The following HIBCH variants were observed in gnomAD, a reference collection of about 807,000 sequenced individuals.
HIBCH encodes the protein 3-hydroxyisobutyryl-CoA hydrolase, mitochondrial.
A neutral mutation model predicts 58.2 loss-of-function variants in HIBCH; 50 were observed. The ratio of observed to expected loss-of-function variants is 0.86; its 90% CI spans 0.68 to 1.09. The LOEUF is 1.09. Among genes scored for constraint, HIBCH ranks in the 50% least tolerant of loss-of-function variants. HIBCH has a pLI of 0.00. For missense variants in HIBCH, 450 were observed against 449.7 expected, an observed-to-expected ratio of 1.00 and a Z score of -0.01; for synonymous variants, 151 against 146.9, an observed-to-expected ratio of 1.03 and a Z score of -0.20.
At chr2:190,194,479 C>T (rs2353883) in intron 1 of HIBCH, among the ~76,000 whole-genome samples, 5 of 52,856 alleles carry the variant, frequency 9.5e-5, no homozygotes, top group East Asian at 7.0e-4. Flanking sequence ...CCTGTGTATA[C>T]ACACACACAC....
intron 11 of HIBCH, 36 bp from the exon 12 acceptor site, chr2:190,213,111 T>C (rs372398866): frequency 2.4e-5 from 36 of 1,479,312 alleles, no homozygotes; most frequent in Non-Finnish European, 3.4e-5. Flanking sequence ...GTTAGTCCAA[T>C]AGTTCCTTTA....
chr2:190,261,141 AT>A lies in HIBCH; in HGVS notation c.517+14del. ...GATGCTAAAAGTAATTATAAAAAAA[AT>A]TCTGGTTGTTTACCTATTGCAGTTT... On this transcript the variant is annotated intron_variant, in intron 7 of 13. Transcript: ENST00000359678. The A allele has an allele frequency of 6.3e-7, 1 of 1,593,164 alleles. No homozygotes were observed. Among genetic ancestry groups the A allele is most frequent in the African/African-American group, 1.3e-5 (1 of 74,384 alleles).
At chr2:190,233,760 T>C (rs1686181979) in intron 11 of HIBCH, among the ~76,000 whole-genome samples, 2 of 152,204 alleles carry the variant, frequency 1.3e-5, no homozygotes, top group Non-Finnish European at 2.9e-5. Context: ...ACGATAAATA[T>C]ATGAAATGGT....
At chr2:190,275,596 T>C (rs957448153) in intron 6 of HIBCH, among the ~76,000 whole-genome samples, 6 of 152,328 alleles carry the variant, frequency 3.9e-5, no homozygotes, top group Admixed American at 3.9e-4. Context: ...ATCAAATTTA[T>C]GGTAAAGCTT....
chr2:190,209,022 G>T lies in HIBCH; in HGVS notation c.1012-109C>A. The stretch of plus-strand genomic sequence containing the variant: ...CCTTCCACTCCCATGGCCACAACCT[G>T]AACCATGACATTCAGAGACTGAACC... On this transcript the variant is annotated intron_variant, in intron 12 of 13. Transcript: ENST00000359678. The surrounding 1 kb of genome is among the most constrained non-coding windows in gnomAD (Gnocchi z 5.6). The T allele has an allele frequency of 1.1e-6, 1 of 917,026 alleles. No individual in the cohort carries two copies. Among genetic ancestry groups the T allele is most frequent in the Non-Finnish European group, 1.7e-6 (1 of 573,984 alleles). The allele number at this position is 917,026 out of a possible 1,614,324, so 56.8% of individuals were successfully genotyped here. A position where few individuals can be genotyped will look rare whatever the true frequency, so the allele number is the denominator to read the frequency against.
At chr2:190,261,005 A>G in intron 7 of HIBCH, 151 bp downstream of exon 7, 1 of 647,560 alleles carries the variant, frequency 1.5e-6, no homozygotes, top group Non-Finnish European at 2.7e-6. Context: ...TAGACTTCAA[A>G]GTATCTTCCT....
At chr2:190,319,491 G>A (rs748607209) in intron 1 of HIBCH, among the ~76,000 whole-genome samples, 2 of 151,482 alleles carry the variant, frequency 1.3e-5, no homozygotes, top group Non-Finnish European at 2.9e-5. Context: ...TTAAGAGCCA[G>A]AGTGGCAGAA....
chr2:190,230,610 G>A (rs62184388), intron 11 of HIBCH, among the ~76,000 whole-genome samples: 6,224 of 152,264 alleles, frequency 0.041, 189 homozygotes, highest in Non-Finnish European at 0.068. Context: ...CAGAAGAATC[G>A]CTTGAACCCA....
intron 11 of HIBCH, among the ~76,000 whole-genome samples, chr2:190,221,654 T>G (rs754881273): frequency 2.0e-5 from 3 of 152,150 alleles, no homozygotes; most frequent in Non-Finnish European, 2.9e-5. Context: ...CCTGCTCGAA[T>G]GTTGCCTTTT....
rs1483900473 is a variant in HIBCH at position 190,206,384 on chromosome 2, TCTCA to T, written c.1046-1156_1046-1153del. Among the ~76,000 whole-genome samples, 3 of 152,218 alleles carry T rather than the reference TCTCA, an allele frequency of 2.0e-5. No individual in the cohort carries two copies. In the East Asian group the frequency reaches 5.8e-4, roughly 29 times the overall value. ...GGCACATTTTTTCCACAAGAATCTC[TCTCA>T]CTCTAAGTCTTCTGGTCAATACTAC... On this transcript the variant is annotated intron_variant, in intron 13 of 13. Coordinates refer to ENST00000359678, the MANE Select transcript of HIBCH (RefSeq NM_014362.4). This position sits in a 1 kb window ranked among gnomAD's most constrained non-coding sequence, Gnocchi z 5.1.
In HIBCH at chr2:190,306,470, T is replaced by C. The variant is rs997746964; in HGVS notation, c.78+4284A>G. 1.3e-5 allele frequency among the ~76,000 whole-genome samples: 2 copies of C among 152,122 alleles called. No individual in the cohort carries two copies. Among genetic ancestry groups the C allele is most frequent in the African/African-American group, 4.8e-5 (2 of 41,412 alleles). On this transcript the variant is annotated intron_variant, in intron 2 of 13. Transcript: ENST00000359678. The surrounding 1 kb of genome is among the most constrained non-coding windows in gnomAD (Gnocchi z 4.6). The stretch of plus-strand genomic sequence containing the variant: ...CTCTGGGACAGACAGCAGACTTATT[T>C]ACAGCTTACTAAAACCAGCAGGTTT...
Position 190,249,325 on chromosome 2 carries a change from T to G in HIBCH, c.750+315A>C, listed in dbSNP as rs192384559. Among the ~76,000 whole-genome samples the G allele has an allele frequency of 3.1e-3, 471 of 152,298 alleles. 4 individuals carry two copies. The highest frequency in any genetic ancestry group is 0.02 in the Middle Eastern group (6 of 294). The stretch of plus-strand genomic sequence containing the variant: ...TAAATAAATGTCAAGAGTTTGCATC[T>G]CCACAAATAGTGTTAACATTGAACA... On this transcript the variant is annotated intron_variant, in intron 9 of 13. Transcript: ENST00000359678.
chr2:190,287,274 C>T (rs1465534479), intron 6 of HIBCH, among the ~76,000 whole-genome samples: 1 of 152,138 alleles, frequency 6.6e-6, no homozygotes, highest in African/African-American at 2.4e-5. Flanking sequence ...GTAGGCCAGG[C>T]TGGTCTCAAA....
intron 4 of HIBCH, among the ~76,000 whole-genome samples, chr2:190,293,049 C>T (rs1168546163): frequency 6.6e-6 from 1 of 152,088 alleles, no homozygotes; most frequent in South Asian, 2.1e-4. Context: ...TATTTCCAAA[C>T]ATCAATATAA....
intron 6 of HIBCH, among the ~76,000 whole-genome samples, chr2:190,262,163 C>CAAA (rs982653583): frequency 0.07 from 6,449 of 91,546 alleles, 168 homozygotes; most frequent in East Asian, 0.14. Flanking sequence ...GCGGTAGAGA[C>CAAA]AAAAAAAAAA....
intron 11 of HIBCH, among the ~76,000 whole-genome samples, chr2:190,230,920 A>T (rs558518349): frequency 6.6e-6 from 1 of 152,354 alleles, no homozygotes; most frequent in East Asian, 1.9e-4. Context: ...TCTCATAAAC[A>T]TAATGCAAAA....
Position 190,212,992 on chromosome 2 carries a change from T to C in HIBCH, c.975A>G (p.Val325=), listed in dbSNP as rs763847759. The change falls in exon 12 of 14, where the codon GTA becomes GTG. Residue 325 remains valine (V), a synonymous_variant. Coordinates refer to ENST00000359678, the MANE Select transcript of HIBCH (RefSeq NM_014362.4). ...GACTTAGCCGATACTCCATAGTTAGTACTTCTTGCAAGGTCTTTGAAGACC... is the reference window on the plus strand; with the variant it reads ...GACTTAGCCGATACTCCATAGTTAGCACTTCTTGCAAGGTCTTTGAAGACC... ...MEGSSKTLQE[V]LTMEYRLSQA... The C allele has an allele frequency of 6.2e-7, 1 of 1,612,134 alleles. No individual in the cohort carries two copies. The highest frequency in any genetic ancestry group is 2.2e-5 in the East Asian group (1 of 44,808).
At position 190,293,182 on chromosome 2, in the gene HIBCH, A is replaced by G. The variant is rs548116076; in HGVS notation, c.304+1364T>C. ...CGAAAGGCTAATTCAAGGCTGAAAA[A>G]CAGTATTTTAAAAATATGCATGTTG... is the stretch of plus-strand genomic sequence containing the variant. On this transcript the variant is annotated intron_variant, in intron 4 of 13. Coordinates refer to ENST00000359678, the MANE Select transcript of HIBCH (RefSeq NM_014362.4). Among the ~76,000 whole-genome samples, 1,026 of 152,310 alleles carry G rather than the reference A, an allele frequency of 6.7e-3. 12 individuals are homozygous for G. Among genetic ancestry groups the G allele is most frequent in the African/African-American group, 0.022 (932 of 41,560 alleles).
chr2:190,299,861 C>A (rs1204352667), intron 2 of HIBCH, among the ~76,000 whole-genome samples: 1 of 152,072 alleles, frequency 6.6e-6, no homozygotes, highest in East Asian at 1.9e-4. Context: ...TTGTTTTCCT[C>A]TTTGTGTCCA....
Sources: gnomAD v4.1 joint callset for allele counts (sites outside exome capture counted in the v4.1 genomes callset) on GRCh38, gnomAD v4.1.1 for gene constraint, Gnocchi (gnomAD v3.1) non-coding constraint, MANE v1.5 for transcripts, NCBI Gene and HGNC (gene_info 2026-07-23, HGNC 2026-07-21) for gene names.